Variants in ARSK observed in about 807,000 individuals in gnomAD.
The protein encoded by ARSK is arylsulfatase K.
ARSK carries 37 observed loss-of-function variants against 53.2 expected under a neutral mutation model. The ratio of observed to expected loss-of-function variants is 0.70; its 90% CI spans 0.54 to 0.92. The LOEUF is 0.92. ARSK is among the 40% of genes least tolerant of loss of function. ARSK has a pLI of 0.00. For synonymous variants in ARSK, 208 were observed against 223.2 expected, an observed-to-expected ratio of 0.93 and a Z score of 0.61; for missense variants, 613 against 643.0, an observed-to-expected ratio of 0.95 and a Z score of 0.51.
chr5:95,600,843 A>G lies in ARSK; in HGVS notation c.1097-4A>G, dbSNP rs1749389033. ...TAAGATATTTGGTTATTTTTGTTAC[A>G]TAGATATTGCTGGAATTCCTCTGCC... On this transcript the variant is annotated splice_polypyrimidine_tract_variant and splice_region_variant and intron_variant, in intron 6 of 7. Coordinates refer to ENST00000380009, the MANE Select transcript of ARSK (RefSeq NM_198150.3). 5 of 1,609,702 alleles carry G rather than the reference A, an allele frequency of 3.1e-6. No individual in the cohort carries two copies. Among genetic ancestry groups the G allele is most frequent in the Admixed American group, 3.3e-5 (2 of 59,968 alleles).
At chr5:95,575,877 A>G (rs1009274593) in intron 3 of ARSK, among the ~76,000 whole-genome samples, 3 of 152,222 alleles carry the variant, frequency 2.0e-5, no homozygotes, top group Non-Finnish European at 2.9e-5. Flanking sequence ...GATGCCCTTT[A>G]TTTCTTTCTC....
chr5:95,575,914 A>G (rs1235200767), intron 3 of ARSK, among the ~76,000 whole-genome samples: 1 of 152,160 alleles, frequency 6.6e-6, no homozygotes, highest in Non-Finnish European at 1.5e-5. Context: ...GACTTCCAGT[A>G]CTATGTTCAA....
chr5:95,557,424 A>G (rs1269427333), intron 1 of ARSK, among the ~76,000 whole-genome samples: 1 of 152,206 alleles, frequency 6.6e-6, no homozygotes, highest in Non-Finnish European at 1.5e-5. Flanking sequence ...TTTATGCCAA[A>G]TATTTTGGTC....
At chr5:95,564,583 G>C (rs1748696288) in intron 1 of ARSK, among the ~76,000 whole-genome samples, 1 of 151,940 alleles carries the variant, frequency 6.6e-6, no homozygotes, top group Non-Finnish European at 1.5e-5. Context: ...TTCCAGTTTA[G>C]CTGTTCATCT....
intron 3 of ARSK, among the ~76,000 whole-genome samples, chr5:95,576,766 A>G (rs1336669450): frequency 2.0e-5 from 3 of 151,850 alleles, no homozygotes; most frequent in Non-Finnish European, 4.4e-5. Flanking sequence ...TCTCAGCTAT[A>G]TCACTTCTAA....
intron 6 of ARSK, among the ~76,000 whole-genome samples, chr5:95,593,983 AG>A (rs1749260138): frequency 6.6e-6 from 1 of 152,226 alleles, no homozygotes; most frequent in Admixed American, 6.5e-5. Context: ...CCTCAGTAAA[AG>A]GAAATAAAGT....
chr5:95,593,516 A>T (rs1307547118), intron 6 of ARSK, among the ~76,000 whole-genome samples: 1 of 152,156 alleles, frequency 6.6e-6, no homozygotes, highest in African/African-American at 2.4e-5. Context: ...CAAATTTTGT[A>T]CTCTACAATC....
intron 3 of ARSK, among the ~76,000 whole-genome samples, chr5:95,572,900 A>G (rs77354881): frequency 3.0e-4 from 45 of 152,100 alleles, no homozygotes; most frequent in Admixed American, 5.2e-4. Flanking sequence ...CCCCACCTCT[A>G]CCCCTTAGCT....
intron 6 of ARSK, among the ~76,000 whole-genome samples, chr5:95,593,265 G>C (rs1749247886): frequency 6.6e-6 from 1 of 152,040 alleles, no homozygotes; most frequent in Non-Finnish European, 1.5e-5. Flanking sequence ...AAAAGGTATT[G>C]TAAAAGATTA....
intron 3 of ARSK, among the ~76,000 whole-genome samples, chr5:95,568,429 CT>C (rs112671304): frequency 9.3e-5 from 14 of 150,426 alleles, no homozygotes; most frequent in Non-Finnish European, 1.5e-4. Flanking sequence ...TCTATTGTAA[CT>C]TTTTTTTTTC....
chr5:95,587,605 T>C (rs1350973238), intron 5 of ARSK, among the ~76,000 whole-genome samples: 2 of 152,140 alleles, frequency 1.3e-5, no homozygotes, highest in Non-Finnish European at 2.9e-5. Context: ...ATAGCAAGTA[T>C]AAAAATGTAT....
At chr5:95,560,586 T>A in intron 1 of ARSK, among the ~76,000 whole-genome samples, 1 of 151,820 alleles carries the variant, frequency 6.6e-6, no homozygotes, top group South Asian at 2.1e-4. Flanking sequence ...CCAAGACCAT[T>A]TAATAGGGAA....
At position 95,604,095 on chromosome 5, in the gene ARSK, G is replaced by A. The variant is rs1447623378; in HGVS notation, c.*569G>A. 1.3e-5 allele frequency: 2 copies of A among 152,056 alleles called. No individual in the cohort carries two copies. Among genetic ancestry groups the A allele is most frequent in the African/African-American group, 4.8e-5 (2 of 41,402 alleles). The allele number at this position is 152,056 out of a possible 1,614,324, so 9.4% of individuals were successfully genotyped here. ...AAGAATTGAAGCAAATACTGTAACA[G>A]TTATGTTCCTTTAAATAATAGAGAA... is the stretch of plus-strand genomic sequence containing the variant. On this transcript the variant is annotated 3_prime_UTR_variant, in exon 8 of 8. Transcript: ENST00000380009.
chr5:95,599,116 C>A (rs1022175461), intron 6 of ARSK, among the ~76,000 whole-genome samples: 1 of 152,126 alleles, frequency 6.6e-6, no homozygotes, highest in Non-Finnish European at 1.5e-5. Flanking sequence ...CTGCCTTGAC[C>A]AGTGTTGTTT....
intron 4 of ARSK, among the ~76,000 whole-genome samples, chr5:95,585,877 A>G (rs949598638): frequency 6.6e-6 from 1 of 152,236 alleles, no homozygotes; most frequent in African/African-American, 2.4e-5. Flanking sequence ...AAAGAAAATA[A>G]TGCCAGTGTT....
chr5:95,564,458 AC>A (rs1273234981), intron 1 of ARSK, among the ~76,000 whole-genome samples: 6 of 152,154 alleles, frequency 3.9e-5, no homozygotes, highest in African/African-American at 9.7e-5. Flanking sequence ...CAGCTAACAC[AC>A]CATTCTCTAA....
intron 1 of ARSK, chr5:95,556,879 G>A (rs1345873380): frequency 2.6e-5 from 4 of 151,920 alleles, no homozygotes; most frequent in East Asian, 3.9e-4. Context: ...GCGTGGTTTC[G>A]GGCGCCTGTA....
At chr5:95,591,365 A>G (rs757706296) in intron 5 of ARSK, 36 bp from the exon 6 acceptor site, 6 of 1,530,354 alleles carry the variant, frequency 3.9e-6, no homozygotes, top group Non-Finnish European at 5.4e-6. Context: ...ACATGAACTG[A>G]AAGTTTTAAT....
intron 3 of ARSK, 39 bp downstream of exon 3, chr5:95,568,088 C>A (rs750112834): frequency 6.2e-7 from 1 of 1,600,150 alleles, no homozygotes; most frequent in Non-Finnish European, 8.5e-7. Context: ...GGACTGCCCT[C>A]TGCCATAGCG....
Sources: gnomAD v4.1 joint callset for allele counts (sites outside exome capture counted in the v4.1 genomes callset) on GRCh38, gnomAD v4.1.1 for gene constraint, MANE v1.5 for transcripts, NCBI Gene and HGNC (gene_info 2026-07-23, HGNC 2026-07-21) for gene names.